Variants in ARHGAP24 observed in about 807,000 individuals in gnomAD.
The protein encoded by ARHGAP24 is rho GTPase-activating protein 24.
Under a neutral mutation model 76.4 loss-of-function variants are expected in ARHGAP24, and 50 were observed. That is an observed-to-expected ratio of 0.65 (90% CI 0.52 to 0.83). The LOEUF (loss-of-function observed/expected upper bound fraction) is 0.83. Among genes scored for constraint, ARHGAP24 ranks in the 40% least tolerant of loss-of-function variants. The pLI, the probability that ARHGAP24 is intolerant of heterozygous loss-of-function variation, is 0.00. For synonymous variants in ARHGAP24, 345 were observed against 323.3 expected, an observed-to-expected ratio of 1.07 and a Z score of -0.72; for missense variants, 930 against 914.2, an observed-to-expected ratio of 1.02 and a Z score of -0.22.
intron 1 of ARHGAP24, among the ~76,000 whole-genome samples, chr4:85,565,788 T>A (rs986388743): frequency 1.2e-4 from 18 of 152,242 alleles, no homozygotes; most frequent in African/African-American, 4.3e-4. Context: ...TCCTCTTTAT[T>A]TACATCCTTG....
chr4:85,836,614 A>T (rs1730304447), intron 3 of ARHGAP24, among the ~76,000 whole-genome samples: 1 of 152,224 alleles, frequency 6.6e-6, no homozygotes, highest in African/African-American at 2.4e-5. Context: ...ATTTCCAAAT[A>T]TGACCACATT....
At chr4:85,557,656 C>T (rs73835209) in intron 1 of ARHGAP24, among the ~76,000 whole-genome samples, 2,900 of 51,484 alleles carry the variant, frequency 0.056, 91 homozygotes, top group African/African-American at 0.1. Flanking sequence ...GAGCTAGTGT[C>T]AACCCACCAC....
chr4:85,553,085 AGCATTACAGTTC>A (rs1726209231), intron 1 of ARHGAP24, among the ~76,000 whole-genome samples: 1 of 151,796 alleles, frequency 6.6e-6, no homozygotes, highest in Non-Finnish European at 1.5e-5. Flanking sequence ...CTTCGCAGTG[AGCATTACAGTTC>A]ATAAAGGCAG....
chr4:85,693,578 G>A (rs1223149768), intron 2 of ARHGAP24, among the ~76,000 whole-genome samples: 1 of 152,176 alleles, frequency 6.6e-6, no homozygotes, highest in Non-Finnish European at 1.5e-5. Context: ...TGGGCACCAG[G>A]TGTGCTGGGA....
intron 3 of ARHGAP24, among the ~76,000 whole-genome samples, chr4:85,786,864 G>A (rs1727869236): frequency 6.6e-6 from 1 of 152,154 alleles, no homozygotes. Flanking sequence ...AGTTTTCCCA[G>A]TTCTTGTTTT....
At chr4:85,661,623 G>C (rs28510373) in intron 2 of ARHGAP24, among the ~76,000 whole-genome samples, 4,409 of 150,298 alleles carry the variant, frequency 0.029, 196 homozygotes, top group African/African-American at 0.1. Context: ...CCCATTAACT[G>C]GTCATTTAGC....
chr4:85,813,818 T>TTATATATATATATATATATATATA (rs35261368), intron 3 of ARHGAP24, among the ~76,000 whole-genome samples: 172 of 137,064 alleles, frequency 1.3e-3, no homozygotes, highest in African/African-American at 4.6e-3. Flanking sequence ...TATATTTATT[T>TTATATATATATATATATATATATA]TATATATATA....
chr4:85,580,031 G>A (rs764761520), intron 2 of ARHGAP24, among the ~76,000 whole-genome samples: 3 of 152,004 alleles, frequency 2.0e-5, no homozygotes, highest in African/African-American at 4.8e-5. Context: ...GAACTATGCC[G>A]ATCATTTTTA....
chr4:85,515,431 A>G (rs936749704), intron 1 of ARHGAP24, among the ~76,000 whole-genome samples: 2 of 148,042 alleles, frequency 1.4e-5, no homozygotes, highest in South Asian at 4.2e-4. Flanking sequence ...TACCCACTCT[A>G]TACAGGTAAT....
chr4:85,779,071 G>GA (rs1368977594), intron 3 of ARHGAP24: 1 of 754,792 alleles, frequency 1.3e-6, no homozygotes, highest in Non-Finnish European at 1.6e-6. Flanking sequence ...TATTTTGAGA[G>GA]AAAATATACC....
At chr4:85,778,609 G>A (rs1258246751) in intron 3 of ARHGAP24, 1 of 901,646 alleles carries the variant, frequency 1.1e-6, no homozygotes, top group Admixed American at 6.2e-5. Flanking sequence ...TTCTTATTTT[G>A]TTTTGTTTTG....
chr4:86,000,588 G>A lies in ARHGAP24; in HGVS notation c.2113G>A (p.Glu705Lys), dbSNP rs139260529. The change falls in exon 10 of 10, where the codon GAG (glutamate) becomes AAG (lysine). Residue 705 changes from glutamate (E) to lysine (K), a missense_variant. Transcript: ENST00000395184. ...TMIEIKMRNAERAKEDAEKRN... is the reference protein window; with the variant it reads ...TMIEIKMRNAKRAKEDAEKRN... Reference sequence around the variant, plus strand: ...GATAGAAATAAAAATGCGAAATGCCGAGCGAGCAAAAGAAGATGCCGAGAA... The same window carrying A: ...GATAGAAATAAAAATGCGAAATGCCAAGCGAGCAAAAGAAGATGCCGAGAA... 3.0e-5 allele frequency: 48 copies of A among 1,613,728 alleles called. No individual in the cohort carries two copies. Among genetic ancestry groups the A allele is most frequent in the Middle Eastern group, 1.6e-4 (1 of 6,062 alleles).
intron 5 of ARHGAP24, among the ~76,000 whole-genome samples, chr4:85,955,937 C>T (rs1197520489): frequency 6.6e-6 from 1 of 152,156 alleles, no homozygotes; most frequent in Non-Finnish European, 1.5e-5. Context: ...TACACCCCTC[C>T]CTCTTTACAC....
intron 3 of ARHGAP24, among the ~76,000 whole-genome samples, chr4:85,838,903 C>T (rs1730439946): frequency 1.3e-5 from 2 of 152,186 alleles, no homozygotes; most frequent in East Asian, 1.9e-4. Context: ...ATTTCTTCCT[C>T]CAGCTGCGCT....
At chr4:85,928,355 A>G (rs762435761) in intron 4 of ARHGAP24, among the ~76,000 whole-genome samples, 6 of 149,140 alleles carry the variant, frequency 4.0e-5, no homozygotes, top group African/African-American at 7.4e-5. Context: ...GTATTTTTAT[A>G]CTGGGTTTCT....
chr4:85,882,760 A>C (rs143384101), intron 3 of ARHGAP24, among the ~76,000 whole-genome samples: 147 of 152,322 alleles, frequency 9.7e-4, no homozygotes, highest in African/African-American at 3.4e-3. Flanking sequence ...ATAAAGGGAC[A>C]ATGCTGGTGT....
chr4:85,580,496 CAT>C (rs1727563328), intron 2 of ARHGAP24, among the ~76,000 whole-genome samples: 1 of 152,148 alleles, frequency 6.6e-6, no homozygotes, highest in Non-Finnish European at 1.5e-5. Context: ...ACCCACTTTT[CAT>C]TATTTCACAT....
intron 2 of ARHGAP24, among the ~76,000 whole-genome samples, chr4:85,712,406 T>G (rs1004189072): frequency 1.3e-5 from 2 of 152,184 alleles, no homozygotes; most frequent in African/African-American, 4.8e-5. Flanking sequence ...CAGGCTCCTT[T>G]CTAGGTCATT....
intron 2 of ARHGAP24, among the ~76,000 whole-genome samples, chr4:85,665,724 C>A (rs1405158714): frequency 6.6e-6 from 1 of 152,184 alleles, no homozygotes; most frequent in African/African-American, 2.4e-5. Flanking sequence ...TGACAAAAAT[C>A]TCTCAGCATT....
Sources: gnomAD v4.1 joint callset for allele counts (sites outside exome capture counted in the v4.1 genomes callset) on GRCh38, gnomAD v4.1.1 for gene constraint, MANE v1.5 for transcripts, NCBI Gene and HGNC (gene_info 2026-07-23, HGNC 2026-07-21) for gene names.